FLAD1: variants seen among roughly 807,000 people sequenced by gnomAD.
FLAD1 encodes bifunctional FAD diphosphatase/FAD synthase.
In FLAD1, 35 loss-of-function variants were observed where a neutral mutation model predicts 55.0. The observed-to-expected ratio is 0.64, with a 90% CI of 0.49 to 0.84. FLAD1 has a LOEUF of 0.84. Among genes scored for constraint, FLAD1 ranks in the 40% least tolerant of loss-of-function variants. The probability of loss-of-function intolerance (pLI) is 0.00; values close to 1 mark genes in which losing one functional copy is unlikely to be tolerated. For missense variants in FLAD1, 665 were observed against 742.6 expected (o/e 0.90, Z 1.21); for synonymous variants, 267 against 303.0 (o/e 0.88, Z 1.23).
intron 1 of FLAD1, among the ~76,000 whole-genome samples, chr1:154,985,398 T>C (rs1374167448): frequency 6.7e-6 from 1 of 150,086 alleles, no homozygotes; most frequent in African/African-American, 2.5e-5. Context: ...TCAGCCTTAA[T>C]AGACCCTTTT....
Position 154,983,861 on chromosome 1 carries a change from C to T in FLAD1, c.167C>T (p.Pro56Leu). The change falls in exon 1 of 7, where the codon CCC becomes CTC. Residue 56 changes from proline to leucine, a missense_variant. Coordinates refer to ENST00000292180, the MANE Select transcript of FLAD1 (RefSeq NM_025207.5). ...WLLQVPSTQD[P>L]LFPGYGPQCP... is the part of the protein sequence containing the mutation. The stretch of plus-strand genomic sequence containing the variant: ...CTCCAGGTTCCCTCGACCCAGGACC[C>T]CCTGTTCCCAGGCTATGGCCCCCAG... The T allele has an allele frequency of 6.2e-7, 1 of 1,614,150 alleles. No homozygotes were observed. Among genetic ancestry groups the T allele is most frequent in the Non-Finnish European group, 8.5e-7 (1 of 1,179,994 alleles).
At position 154,988,312 on chromosome 1, in the gene FLAD1, G is replaced by T. The variant is rs1250036112; in HGVS notation, c.580G>T (p.Ala194Ser). ...TGTGACCTTTGAGGCAGTGGCACAGGCCTTTGGAGATGAGCTGAAGCCACA... is the reference window on the plus strand; with the variant it reads ...TGTGACCTTTGAGGCAGTGGCACAGTCCTTTGGAGATGAGCTGAAGCCACA... ...DDVTFEAVAQ[A>S]FGDELKPHPK... is the part of the protein sequence containing the mutation. Residue 194 changes from alanine to serine, a missense_variant, in exon 2 of 7, where the codon GCC (alanine) becomes TCC (serine). Ala to Ser is a moderately conservative substitution (Grantham distance 99). Transcript: ENST00000292180. The T allele has an allele frequency of 8.1e-6, 13 of 1,614,086 alleles. No homozygotes were observed. The Admixed American group carries it at 2.2e-4, about 27-fold the overall frequency.
Position 154,983,774 on chromosome 1 carries a change from C to G in FLAD1, c.80C>G (p.Thr27Ser). The G allele has an allele frequency of 3.1e-6, 5 of 1,614,166 alleles. No individual in the cohort carries two copies. The highest frequency in any genetic ancestry group is 3.4e-6 in the Non-Finnish European group (4 of 1,180,012). The change falls in exon 1 of 7, where the codon ACT becomes AGT. Residue 27 changes from threonine to serine, a missense_variant. Transcript: ENST00000292180. ...SRLSRIWLEK[T>S]RVFLEGSTRT... The stretch of plus-strand genomic sequence containing the variant: ...TTGTCAAGGATCTGGTTAGAGAAGA[C>G]TAGGGTCTTCCTCGAAGGAAGCACG...
chr1:154,984,413 T>C (rs1281689865), intron 1 of FLAD1, among the ~76,000 whole-genome samples: 1 of 152,096 alleles, frequency 6.6e-6, no homozygotes, highest in African/African-American at 2.4e-5. Context: ...GGTGTGTGTA[T>C]TGTATATTTA....
chr1:154,985,031 ATTTTTTTTTTTT>A (rs749772991), intron 1 of FLAD1, among the ~76,000 whole-genome samples: 2 of 32,554 alleles, frequency 6.1e-5, no homozygotes, highest in African/African-American at 1.2e-4. Context: ...CACCTGGCTA[ATTTTTTTTTTTT>A]TTTTTTTTTT....
Position 154,988,542 on chromosome 1 carries a change from AC to A in FLAD1, c.811del (p.Leu271TyrfsTer53), listed in dbSNP as rs1242152481. On this transcript the variant is annotated frameshift_variant, in exon 2 of 7. Transcript: ENST00000292180. LOFTEE classifies it high-confidence loss of function. ...GGCGGGTGCTGGAGGGGATGAAGGGACTATTCCAAAACCCAGCTGTTCAGTT... is the reference window on the plus strand; with the variant it reads ...GGCGGGTGCTGGAGGGGATGAAGGGATATTCCAAAACCCAGCTGTTCAGTT... Reference protein sequence around the residue: ...LRRVLEGMKGLFQNPAVQFHS... With the variant: ...LRRVLEGMKGXFQNPAVQFHS... 2.5e-6 allele frequency: 4 copies of A among 1,614,174 alleles called. No homozygotes were observed. Among genetic ancestry groups the A allele is most frequent in the Non-Finnish European group, 3.4e-6 (4 of 1,180,026 alleles).
intron 2 of FLAD1, 88 bp from the exon 3 acceptor site, chr1:154,989,472 A>C: frequency 7.8e-7 from 1 of 1,284,998 alleles, no homozygotes. Flanking sequence ...GAAGATATTG[A>C]AGGGTTTAAG....
intron 5 of FLAD1, 66 bp downstream of exon 5, chr1:154,990,594 A>C (rs1319744049): frequency 1.2e-4 from 171 of 1,432,446 alleles, no homozygotes; most frequent in Non-Finnish European, 1.4e-4. Context: ...ACCCTAGCTC[A>C]CCTGCAGTAG....
chr1:154,987,869 CT>C, intron 1 of FLAD1: 1 of 1,295,334 alleles, frequency 7.7e-7, no homozygotes, highest in Non-Finnish European at 1.0e-6. Flanking sequence ...GAGGTTGAGG[CT>C]GCAGTGAACT....
chr1:154,990,043 G>C lies in FLAD1; in HGVS notation c.1266-116G>C. On this transcript the variant is annotated intron_variant, in intron 3 of 6. Coordinates refer to ENST00000292180, the MANE Select transcript of FLAD1 (RefSeq NM_025207.5). ...GGGTCTAATGGATGGAAAGGACAAG[G>C]AAAAGGGAGAAGGGGTGAGAGTCTG... is the stretch of plus-strand genomic sequence containing the variant. The C allele has an allele frequency of 3.4e-6, 3 of 885,140 alleles. No homozygotes were observed. The South Asian group carries it at 4.5e-5, about 13-fold the overall frequency. The allele number at this position is 885,140 out of a possible 1,614,324, so 54.8% of individuals were successfully genotyped here.
chr1:154,989,255 C>A (rs902381919), intron 2 of FLAD1, among the ~76,000 whole-genome samples: 1 of 151,982 alleles, frequency 6.6e-6, no homozygotes, highest in Non-Finnish European at 1.5e-5. Context: ...GGGCAAGAGC[C>A]AACAGTATGA....
At chr1:154,990,659 C>T (rs1657820466) in intron 5 of FLAD1, 131 bp downstream of exon 5, 10 of 851,916 alleles carry the variant, frequency 1.2e-5, no homozygotes, top group African/African-American at 1.0e-4. Context: ...CCAAGGGAGG[C>T]AGTGCTATCT....
At chr1:154,984,316 A>T (rs1558072616) in intron 1 of FLAD1, among the ~76,000 whole-genome samples, 4 of 152,170 alleles carry the variant, frequency 2.6e-5, no homozygotes. Context: ...AAAAATAAAA[A>T]GGTCATTGCA....
At chr1:154,985,238 G>GTTT (rs113094117) in intron 1 of FLAD1, among the ~76,000 whole-genome samples, 3 of 125,470 alleles carry the variant, frequency 2.4e-5, no homozygotes, top group African/African-American at 8.6e-5. Flanking sequence ...TGTTTTTTTT[G>GTTT]TTTTTTTTTT....
chr1:154,988,742 A>G lies in FLAD1; in HGVS notation c.1010A>G (p.Glu337Gly), dbSNP rs745606071. The stretch of plus-strand genomic sequence containing the variant: ...TCAGAGGAAGAAGGACCCCTGGAGG[A>G]ATGCTTGGCCTACCTGACTGCCCGT... ...LDSEEEGPLE[E>G]CLAYLTARLP... Residue 337 changes from glutamate to glycine, a missense_variant, in exon 2 of 7, where the codon GAA becomes GGA. Transcript: ENST00000292180. The G allele has an allele frequency of 3.1e-6, 5 of 1,614,162 alleles. No homozygotes were observed. In the South Asian group the frequency reaches 5.5e-5, roughly 18 times the overall value.
chr1:154,987,989 G>A (rs1471371865), intron 1 of FLAD1, 116 bp from the exon 2 acceptor site: 12 of 1,577,234 alleles, frequency 7.6e-6, no homozygotes, highest in Non-Finnish European at 1.0e-5. Flanking sequence ...GCAGCCTGAG[G>A]TGGTGTCCTT....
At position 154,988,314 on chromosome 1, in the gene FLAD1, C is replaced by T; in HGVS notation, c.582C>T (p.Ala194=). 1 of 1,614,226 alleles carries T rather than the reference C, an allele frequency of 6.2e-7. No individual in the cohort carries two copies. Among genetic ancestry groups the T allele is most frequent in the Non-Finnish European group, 8.5e-7 (1 of 1,180,042 alleles). ...TGACCTTTGAGGCAGTGGCACAGGC[C>T]TTTGGAGATGAGCTGAAGCCACACC... ...DDVTFEAVAQ[A]FGDELKPHPK... is the part of the protein sequence containing the mutation. Residue 194 remains alanine, a synonymous_variant, in exon 2 of 7, where the codon GCC becomes GCT. Coordinates refer to ENST00000292180, the MANE Select transcript of FLAD1 (RefSeq NM_025207.5).
chr1:154,983,464 G>T lies in FLAD1; in HGVS notation c.-231G>T. The stretch of plus-strand genomic sequence containing the variant: ...AAGAAGGGATTCTGGGCTAGAAAGG[G>T]TGCAGAAGCCTGAAGTAGAAAGAGA... On this transcript the variant is annotated 5_prime_UTR_variant, in exon 1 of 7. Coordinates refer to ENST00000292180, the MANE Select transcript of FLAD1 (RefSeq NM_025207.5). 1 of 461,828 alleles carries T rather than the reference G, an allele frequency of 2.2e-6. No individual in the cohort carries two copies. Among genetic ancestry groups the T allele is most frequent in the Non-Finnish European group, 3.9e-6 (1 of 257,586 alleles). The allele number at this position is 461,828 out of a possible 1,614,324, so 28.6% of individuals were successfully genotyped here.
At chr1:154,990,016 G>A (rs1471553148) in intron 3 of FLAD1, 143 bp from the exon 4 acceptor site, 35 of 764,376 alleles carry the variant, frequency 4.6e-5, no homozygotes, top group Non-Finnish European at 7.8e-5. Flanking sequence ...CCCAGAGGAA[G>A]TGGGTCTAAT....
Sources: allele counts gnomAD v4.1 joint callset (sites outside exome capture counted in the v4.1 genomes callset), GRCh38; gene constraint gnomAD v4.1.1; transcripts MANE v1.5; gene names NCBI Gene and HGNC (gene_info 2026-07-23, HGNC 2026-07-21).